The following AGPS variants were observed in gnomAD, a reference collection of about 807,000 sequenced individuals.
AGPS encodes the protein alkyldihydroxyacetonephosphate synthase, peroxisomal.
Under a neutral mutation model 90.7 loss-of-function variants are expected in AGPS, and 26 were observed. The ratio of observed to expected loss-of-function variants is 0.29; its 90% confidence interval spans 0.21 to 0.40. The LOEUF (loss-of-function observed/expected upper bound fraction) is 0.40, where lower values mean the gene tolerates loss of function less well. Among genes scored for constraint, AGPS ranks in the 10% least tolerant of loss-of-function variants. AGPS has a pLI of 1.00. For synonymous variants in AGPS, 294 were observed against 285.3 expected (o/e 1.03, Z -0.31); for missense variants, 540 against 816.1 (o/e 0.66, Z 4.12).
At chr2:177,493,315 G>A in intron 12 of AGPS, 116 bp downstream of exon 12, 1 of 913,422 alleles carries the variant, frequency 1.1e-6, no homozygotes, top group Non-Finnish European at 1.8e-6. Context: ...CTTTCAGGAA[G>A]ATGTCAGTCT....
intron 8 of AGPS, among the ~76,000 whole-genome samples, chr2:177,459,428 A>T (rs1348550902): frequency 1.3e-5 from 2 of 152,202 alleles, no homozygotes; most frequent in African/African-American, 4.8e-5. Context: ...TCCATCTGAC[A>T]AAGGGCTAAT....
chr2:177,512,363 A>G (rs1688900132), intron 16 of AGPS, among the ~76,000 whole-genome samples: 1 of 148,468 alleles, frequency 6.7e-6, no homozygotes, highest in Non-Finnish European at 1.5e-5. Context: ...TTAACTTAAG[A>G]ACATTGTTTT....
intron 10 of AGPS, among the ~76,000 whole-genome samples, chr2:177,475,130 A>C (rs572765060): frequency 4.7e-4 from 71 of 152,312 alleles, no homozygotes; most frequent in South Asian, 2.1e-4. Flanking sequence ...CTGCCTGACA[A>C]ATTTCCAATT....
intron 19 of AGPS, among the ~76,000 whole-genome samples, chr2:177,527,147 G>C (rs2079096536): frequency 6.6e-6 from 1 of 152,004 alleles, no homozygotes; most frequent in Admixed American, 6.6e-5. Flanking sequence ...ATGTATATGG[G>C]CTGGGCATGG....
intron 5 of AGPS, among the ~76,000 whole-genome samples, chr2:177,437,942 T>C (rs1686465751): frequency 1.3e-5 from 2 of 152,222 alleles, no homozygotes; most frequent in African/African-American, 4.8e-5. Flanking sequence ...TACTTGTATA[T>C]TAGTCTATGC....
At chr2:177,469,439 T>A (rs1250476183) in intron 10 of AGPS, among the ~76,000 whole-genome samples, 1 of 152,142 alleles carries the variant, frequency 6.6e-6, no homozygotes, top group Non-Finnish European at 1.5e-5. Flanking sequence ...AGTGATGTGG[T>A]AGAGATCAGT....
intron 2 of AGPS, among the ~76,000 whole-genome samples, chr2:177,420,966 G>A (rs1421697657): frequency 6.6e-6 from 1 of 151,844 alleles, no homozygotes. Flanking sequence ...TCTTAAATGT[G>A]GTTATTTGTT....
chr2:177,398,219 G>T (rs1010573751), intron 1 of AGPS, among the ~76,000 whole-genome samples: 3 of 152,196 alleles, frequency 2.0e-5, no homozygotes, highest in Admixed American at 2.0e-4. Flanking sequence ...ACTTAACATC[G>T]TTTGGCAAAA....
At chr2:177,432,412 G>A (rs1686270197) in intron 2 of AGPS, among the ~76,000 whole-genome samples, 1 of 152,140 alleles carries the variant, frequency 6.6e-6, no homozygotes, top group Non-Finnish European at 1.5e-5. Flanking sequence ...TCACATCTCT[G>A]GTTAAAGTTT....
intron 1 of AGPS, among the ~76,000 whole-genome samples, chr2:177,398,194 G>A (rs1444919328): frequency 2.0e-5 from 3 of 152,188 alleles, no homozygotes; most frequent in Non-Finnish European, 4.4e-5. Context: ...ATTTGCACAA[G>A]TGACCTGGCT....
intron 11 of AGPS, among the ~76,000 whole-genome samples, chr2:177,486,737 A>ATATATTTAT (rs1553515691): frequency 7.7e-6 from 1 of 129,302 alleles, no homozygotes; most frequent in Non-Finnish European, 1.7e-5. Flanking sequence ...CTATATGTAT[A>ATATATTTAT]TTTTTATTAC....
chr2:177,474,168 T>C (rs1302592243), intron 10 of AGPS, among the ~76,000 whole-genome samples: 1 of 152,184 alleles, frequency 6.6e-6, no homozygotes, highest in Non-Finnish European at 1.5e-5. Flanking sequence ...CAAAAGTTAC[T>C]CAAGAATGTT....
chr2:177,412,445 C>G (rs754538338), intron 1 of AGPS, among the ~76,000 whole-genome samples: 5 of 152,126 alleles, frequency 3.3e-5, no homozygotes, highest in Admixed American at 6.5e-5. Context: ...ATCAATGCTC[C>G]CAACCCAGAA....
intron 9 of AGPS, among the ~76,000 whole-genome samples, chr2:177,467,257 A>G (rs1687481502): frequency 1.3e-5 from 2 of 152,238 alleles, no homozygotes; most frequent in Non-Finnish European, 2.9e-5. Context: ...ATTAACATGT[A>G]AATGAACAGG....
At chr2:177,511,637 C>T (rs1023321581) in intron 16 of AGPS, among the ~76,000 whole-genome samples, 4 of 151,968 alleles carry the variant, frequency 2.6e-5, no homozygotes, top group Non-Finnish European at 4.4e-5. Flanking sequence ...AAGTTTTTTT[C>T]AGGGAGGAAA....
In AGPS at chr2:177,445,654, T is replaced by A. The variant is rs756747751; in HGVS notation, c.870+28T>A. 15 of 1,449,856 alleles carry A rather than the reference T, an allele frequency of 1.0e-5. No individual in the cohort carries two copies. The African/African-American group carries it at 1.4e-4, about 14-fold the overall frequency. The allele number at this position is 1,449,856 out of a possible 1,614,324, so 89.8% of individuals were successfully genotyped here. A position where few individuals can be genotyped will look rare whatever the true frequency, so the allele number is the denominator to read the frequency against. ...ATGTTATTTATTTTTCTTATTTTTTTAAATTAACTTATTCTAATATCAATT... is the reference window on the plus strand; with the variant it reads ...ATGTTATTTATTTTTCTTATTTTTTAAAATTAACTTATTCTAATATCAATT... On this transcript the variant is annotated intron_variant, in intron 8 of 19. Coordinates refer to ENST00000264167, the MANE Select transcript of AGPS (RefSeq NM_003659.4).
chr2:177,459,178 G>T (rs533565832), intron 8 of AGPS, among the ~76,000 whole-genome samples: 1 of 152,260 alleles, frequency 6.6e-6, no homozygotes, highest in East Asian at 1.9e-4. Flanking sequence ...ACTCAAGATG[G>T]ATCAAAGACT....
intron 1 of AGPS, among the ~76,000 whole-genome samples, chr2:177,407,061 C>T (rs1685487108): frequency 6.6e-6 from 1 of 152,154 alleles, no homozygotes; most frequent in Non-Finnish European, 1.5e-5. Context: ...GCCAGACAGT[C>T]ATGGTTTAAA....
Position 177,420,367 on chromosome 2 carries a change from G to A in AGPS, c.350+9G>A. On this transcript the variant is annotated intron_variant, in intron 2 of 19. Transcript: ENST00000264167. ...GAATTGACTGGGAAAAGGTAACCCTGGTTTATTTCTTCTTTTGTTCCTCCT... is the reference window on the plus strand; with the variant it reads ...GAATTGACTGGGAAAAGGTAACCCTAGTTTATTTCTTCTTTTGTTCCTCCT... The A allele has an allele frequency of 1.3e-6, 2 of 1,580,902 alleles. No individual in the cohort carries two copies. Among genetic ancestry groups the A allele is most frequent in the Non-Finnish European group, 1.7e-6 (2 of 1,150,904 alleles).
Sources: gnomAD v4.1 joint callset for allele counts (sites outside exome capture counted in the v4.1 genomes callset) on GRCh38, gnomAD v4.1.1 for gene constraint, MANE v1.5 for transcripts, NCBI Gene and HGNC (gene_info 2026-07-23, HGNC 2026-07-21) for gene names.